Variants in TMEM182 observed in about 807,000 individuals in gnomAD.
The protein encoded by TMEM182 is transmembrane protein 182.
Under a neutral mutation model 26.8 loss-of-function variants are expected in TMEM182, and 20 were observed. The observed-to-expected ratio is 0.75, with a 90% CI of 0.53 to 1.09. TMEM182 has a LOEUF of 1.09. TMEM182 is among the 50% of genes least tolerant of loss of function. The probability of loss-of-function intolerance (pLI) is 0.00; values close to 1 mark genes in which losing one functional copy is unlikely to be tolerated. For missense variants in TMEM182, 277 were observed against 275.5 expected, an observed-to-expected ratio of 1.01 and a Z score of -0.04; for synonymous variants, 109 against 102.2, an observed-to-expected ratio of 1.07 and a Z score of -0.40.
intron 1 of TMEM182, among the ~76,000 whole-genome samples, chr2:102,749,536 C>G (rs957226036): frequency 2.6e-5 from 4 of 152,108 alleles, no homozygotes; most frequent in Non-Finnish European, 5.9e-5. Context: ...TGTAAATATA[C>G]TAAAAATCAT....
chr2:102,842,663 T>G (rs538561401), intron 3 of TMEM182, among the ~76,000 whole-genome samples: 4 of 152,140 alleles, frequency 2.6e-5, no homozygotes, highest in Non-Finnish European at 5.9e-5. Context: ...GACAGAAAGC[T>G]CCTCTTAAAG....
chr2:102,758,378 A>C (rs1402645854), upstream of TMEM182: 1 of 701,066 alleles, frequency 1.4e-6, no homozygotes, highest in African/African-American at 1.8e-5. Context: ...ATGGCTGTTA[A>C]AATTCCTTAG....
intron 1 of TMEM182, among the ~76,000 whole-genome samples, chr2:102,748,376 C>G (rs1034085404): frequency 6.6e-6 from 1 of 152,202 alleles, no homozygotes; most frequent in African/African-American, 2.4e-5. Context: ...ACCTGTTGCT[C>G]TGTCCTATGT....
At position 102,817,308 on chromosome 2, in the gene TMEM182, G is replaced by A. The variant is rs1274454102; in HGVS notation, c.*2340G>A. On this transcript the variant is annotated 3_prime_UTR_variant, in exon 5 of 5. Transcript: ENST00000412401. ...CTGTGTTAGAATCTTTTTGAAAAAT[G>A]TTGATTTTGCATCATAAAGTTTCAA... 3 of 985,216 alleles carry A rather than the reference G, an allele frequency of 3.0e-6. No individual in the cohort carries two copies. The highest frequency in any genetic ancestry group is 4.7e-5 in the South Asian group (1 of 21,288). 61.0% of individuals were successfully genotyped at this position (985,216 alleles called of 1,614,324 possible).
intron 3 of TMEM182, among the ~76,000 whole-genome samples, chr2:102,839,324 C>T (rs1195671285): frequency 6.6e-6 from 1 of 151,930 alleles, no homozygotes; most frequent in Non-Finnish European, 1.5e-5. Context: ...TGGATTAGCG[C>T]TGATTTCCGA....
downstream of TMEM182, among the ~76,000 whole-genome samples, chr2:102,820,008 A>G (rs926678132): frequency 6.6e-6 from 1 of 152,244 alleles, no homozygotes; most frequent in African/African-American, 2.4e-5. Flanking sequence ...ATAGCTGTCA[A>G]TAAGTATTTA....
At chr2:102,792,606 A>G (rs969561840) in intron 3 of TMEM182, among the ~76,000 whole-genome samples, 1 of 152,244 alleles carries the variant, frequency 6.6e-6, no homozygotes, top group South Asian at 2.1e-4. Context: ...TGTGAAAACT[A>G]TGTAATATAA....
chr2:102,792,009 TA>T (rs1681663377), intron 3 of TMEM182, among the ~76,000 whole-genome samples: 1 of 147,332 alleles, frequency 6.8e-6, no homozygotes, highest in South Asian at 2.1e-4. Context: ...GATATATACC[TA>T]AAAATATATA....
intron 4 of TMEM182, among the ~76,000 whole-genome samples, chr2:102,808,610 A>G (rs1198589859): frequency 2.0e-5 from 3 of 152,236 alleles, no homozygotes; most frequent in African/African-American, 7.2e-5. Context: ...TCAAAATTTC[A>G]TGTATGAGTT....
intron 4 of TMEM182, among the ~76,000 whole-genome samples, chr2:102,810,512 T>G (rs1682517057): frequency 6.6e-6 from 1 of 152,156 alleles, no homozygotes; most frequent in African/African-American, 2.4e-5. Context: ...CTTTCCAAAT[T>G]GAATTCACGG....
chr2:102,765,821 T>G (rs1301341745), intron 3 of TMEM182, among the ~76,000 whole-genome samples: 1 of 152,228 alleles, frequency 6.6e-6, no homozygotes, highest in African/African-American at 2.4e-5. Flanking sequence ...AAAACATGTG[T>G]GGTATGGATG....
chr2:102,771,481 A>G (rs1171009060), intron 3 of TMEM182, among the ~76,000 whole-genome samples: 4 of 151,972 alleles, frequency 2.6e-5, no homozygotes, highest in African/African-American at 4.8e-5. Context: ...TCAAGGCCGT[A>G]CTTAAAAATC....
At chr2:102,757,097 AC>A (rs1429216996), upstream of TMEM182, among the ~76,000 whole-genome samples, 2 of 152,144 alleles carry the variant, frequency 1.3e-5, no homozygotes, top group African/African-American at 2.4e-5. Context: ...GGTGTGAGCC[AC>A]CGGGCCTGGC....
chr2:102,757,807 G>A (rs973936162), upstream of TMEM182, among the ~76,000 whole-genome samples: 14 of 152,180 alleles, frequency 9.2e-5, no homozygotes, highest in African/African-American at 2.4e-4. Flanking sequence ...CAGGAAACAT[G>A]ACTGGGAAGC....
At chr2:102,783,804 C>CA (rs1681272643) in intron 3 of TMEM182, among the ~76,000 whole-genome samples, 1 of 151,974 alleles carries the variant, frequency 6.6e-6, no homozygotes, top group South Asian at 2.1e-4. Context: ...AAAAAACAAA[C>CA]AAAAAAACAG....
intron 3 of TMEM182, among the ~76,000 whole-genome samples, chr2:102,796,162 C>T (rs567154888): frequency 5.9e-5 from 9 of 152,230 alleles, no homozygotes; most frequent in East Asian, 1.9e-4. Flanking sequence ...TTTTGCTATT[C>T]GCACCTTTTA....
At chr2:102,787,647 C>A (rs1681453820) in intron 3 of TMEM182, among the ~76,000 whole-genome samples, 1 of 152,130 alleles carries the variant, frequency 6.6e-6, no homozygotes, top group African/African-American at 2.4e-5. Flanking sequence ...AGGACTTCAG[C>A]ATTTTTTCAA....
intron 4 of TMEM182, among the ~76,000 whole-genome samples, chr2:102,801,625 T>C (rs911590034): frequency 6.6e-6 from 1 of 152,152 alleles, no homozygotes; most frequent in Admixed American, 6.5e-5. Flanking sequence ...ATGACCTTCA[T>C]TGTGCCGCTT....
rs774047240 is a variant in TMEM182, at chr2:102,774,250, C to CTTTTTTTTTTTTTTT, written c.331+9831_331+9845dup. ...GATGTTTTTTACACTTTCTTTCTTTCTTTTTTTTTTTTTTTTTTTTTTGGT... is the reference window on the plus strand; with the variant it reads ...GATGTTTTTTACACTTTCTTTCTTTCTTTTTTTTTTTTTTTTTTTTTTTTTTTTTTTTTTTTTGGT... On this transcript the variant is annotated intron_variant, in intron 3 of 4. Transcript: ENST00000412401. Among the ~76,000 whole-genome samples, 158 of 96,082 alleles carry CTTTTTTTTTTTTTTT rather than the reference C, an allele frequency of 1.6e-3. 3 individuals are homozygous for CTTTTTTTTTTTTTTT. Among genetic ancestry groups the CTTTTTTTTTTTTTTT allele is most frequent in the Middle Eastern group, 0.01 (1 of 98 alleles). 63.0% of individuals were successfully genotyped at this position (96,082 alleles called of 152,430 possible). A position where few individuals can be genotyped will look rare whatever the true frequency, so the allele number is the denominator to read the frequency against.
Sources: allele counts gnomAD v4.1 joint callset (sites outside exome capture counted in the v4.1 genomes callset), GRCh38; gene constraint gnomAD v4.1.1; transcripts MANE v1.5; gene names NCBI Gene and HGNC (gene_info 2026-07-23, HGNC 2026-07-21).